RBM33: variants seen among roughly 807,000 people sequenced by gnomAD.
RBM33 encodes the protein RNA-binding protein 33.
Under a neutral mutation model 132.6 loss-of-function variants are expected in RBM33, and 28 were observed. The ratio of observed to expected loss-of-function variants is 0.21; its 90% CI spans 0.16 to 0.29. The LOEUF (loss-of-function observed/expected upper bound fraction) is 0.29, where lower values mean the gene tolerates loss of function less well. Ranked by LOEUF, RBM33 falls within the 10% of genes least tolerant of loss-of-function variation. The probability of loss-of-function intolerance (pLI) is 1.00; values close to 1 mark genes in which losing one functional copy is unlikely to be tolerated. For synonymous variants in RBM33, 634 were observed against 593.0 expected, an observed-to-expected ratio of 1.07 and a Z score of -1.01; for missense variants, 1,291 against 1,518.5, an observed-to-expected ratio of 0.85 and a Z score of 2.49.
At chr7:155,729,041 TCA>T (rs1444231264) in intron 9 of RBM33, among the ~76,000 whole-genome samples, 1 of 152,166 alleles carries the variant, frequency 6.6e-6, no homozygotes, top group Non-Finnish European at 1.5e-5. Context: ...TTTAATTGAC[TCA>T]CAGTTCCGCA....
chr7:155,770,521 A>G (rs1341610057), intron 16 of RBM33, among the ~76,000 whole-genome samples: 1 of 151,352 alleles, frequency 6.6e-6, no homozygotes, highest in Admixed American at 6.6e-5. Flanking sequence ...GGGCTCAAGA[A>G]TTTACATCTC....
chr7:155,719,540 T>C (rs553540414), intron 9 of RBM33, among the ~76,000 whole-genome samples: 2 of 152,350 alleles, frequency 1.3e-5, no homozygotes, highest in Admixed American at 6.5e-5. Context: ...TGTGTTTCTA[T>C]AAGTTATTTA....
chr7:155,765,958 G>T (rs1011744359), intron 15 of RBM33, among the ~76,000 whole-genome samples: 1 of 152,178 alleles, frequency 6.6e-6, no homozygotes, highest in African/African-American at 2.4e-5. Flanking sequence ...GAGGGTTTCA[G>T]GGTAGCAAAT....
intron 5 of RBM33, among the ~76,000 whole-genome samples, chr7:155,685,748 G>A (rs948419892): frequency 2.6e-5 from 4 of 152,182 alleles, no homozygotes; most frequent in Admixed American, 6.5e-5. Flanking sequence ...AGCTGCTGTG[G>A]GCCAGACATG....
intron 4 of RBM33, among the ~76,000 whole-genome samples, chr7:155,679,432 T>C (rs1054423537): frequency 1.3e-4 from 20 of 152,298 alleles, no homozygotes; most frequent in African/African-American, 4.8e-4. Flanking sequence ...GGTGCTACTT[T>C]AGACTCTAGT....
intron 13 of RBM33, among the ~76,000 whole-genome samples, chr7:155,743,100 G>A (rs1197692748): frequency 6.6e-6 from 1 of 152,104 alleles, no homozygotes; most frequent in Non-Finnish European, 1.5e-5. Context: ...TGTAGCAGTT[G>A]TAATGTATTG....
At chr7:155,707,710 G>A (rs143324048) in intron 7 of RBM33, among the ~76,000 whole-genome samples, 4,086 of 152,232 alleles carry the variant, frequency 0.027, 69 homozygotes, top group Middle Eastern at 0.037. Context: ...AGGCTGGAGT[G>A]CAGTGGCATG....
chr7:155,742,114 A>T lies in RBM33; in HGVS notation c.2337+8A>T. On this transcript the variant is annotated splice_region_variant and intron_variant, in intron 13 of 17. Coordinates refer to ENST00000401878, the MANE Select transcript of RBM33 (RefSeq NM_053043.3). ...GCAAAAACAGAAACAGAGGTAGGACACTGCTCTTATTAACAAATGTTGGTC... is the reference window on the plus strand; with the variant it reads ...GCAAAAACAGAAACAGAGGTAGGACTCTGCTCTTATTAACAAATGTTGGTC... 1 of 1,599,386 alleles carries T rather than the reference A, an allele frequency of 6.3e-7. No individual in the cohort carries two copies. The highest frequency in any genetic ancestry group is 8.5e-7 in the Non-Finnish European group (1 of 1,169,954).
At position 155,673,768 on chromosome 7, in the gene RBM33, G is replaced by GCGCACACACACACACACA. The variant is rs1554469952; in HGVS notation, c.171+854_171+855insGCACACACACACACACAC. On this transcript the variant is annotated intron_variant, in intron 3 of 17. Coordinates refer to ENST00000401878, the MANE Select transcript of RBM33 (RefSeq NM_053043.3). ...CACGTGTATATACGCGCGCATGCGCGCACACACACACACACACACACACAC... is the reference window on the plus strand; with the variant it reads ...CACGTGTATATACGCGCGCATGCGCGCGCACACACACACACACACACACACACACACACACACACACAC... Among the ~76,000 whole-genome samples the GCGCACACACACACACACA allele has an allele frequency of 2.3e-3, 309 of 132,964 alleles. 4 individuals are homozygous for GCGCACACACACACACACA. Among genetic ancestry groups the GCGCACACACACACACACA allele is most frequent in the Middle Eastern group, 3.7e-3 (1 of 270 alleles). The allele number at this position is 132,964 out of a possible 152,430, so 87.2% of individuals were successfully genotyped here.
intron 5 of RBM33, 89 bp from the exon 6 acceptor site, chr7:155,700,684 A>G (rs1253057658): frequency 2.0e-6 from 2 of 998,612 alleles, no homozygotes; most frequent in African/African-American, 1.6e-5. Context: ...TGAAATATAA[A>G]CAATTAAATA....
In RBM33 at chr7:155,739,907, G is replaced by C; in HGVS notation, c.1930G>C (p.Val644Leu). Residue 644 changes from valine (V) to leucine (L), a missense_variant, in exon 12 of 18, where the codon GTC becomes CTC. Coordinates refer to ENST00000401878, the MANE Select transcript of RBM33 (RefSeq NM_053043.3). ...QHHHHHHHLS[V>L]PPPPLMPMSQ... ...CCACCACCACCACCACCACCTGTCC[G>C]TCCCGCCCCCTCCTTTGATGCCGAT... is the stretch of plus-strand genomic sequence containing the variant. 1 of 1,540,368 alleles carries C rather than the reference G, an allele frequency of 6.5e-7. No individual in the cohort carries two copies. The highest frequency in any genetic ancestry group is 8.8e-7 in the Non-Finnish European group (1 of 1,142,804).
Position 155,763,971 on chromosome 7 carries a change from G to A in RBM33, c.3139G>A (p.Val1047Ile). 1 of 1,592,860 alleles carries A rather than the reference G, an allele frequency of 6.3e-7. No homozygotes were observed. The highest frequency in any genetic ancestry group is 8.5e-7 in the Non-Finnish European group (1 of 1,169,688). ...LPAGPHAHSP[V>I]PPGIKSIQGI... ...AGCGGGGCCCCACGCACACTCGCCT[G>A]TCCCTCCAGGGATCAAAAGCATCCA... is the stretch of plus-strand genomic sequence containing the variant. The change falls in exon 15 of 18, where the codon GTC becomes ATC. Residue 1047 changes from valine to isoleucine, a missense_variant. By Grantham distance (29) the Val-to-Ile change is conservative (BLOSUM62 3). Transcript: ENST00000401878.
In RBM33 at chr7:155,673,584, A is replaced by G. The variant is rs1229296408; in HGVS notation, c.171+669A>G. The stretch of plus-strand genomic sequence containing the variant: ...TACACACATATACATACACACGTGT[A>G]TATATATATACACACATATACATAC... On this transcript the variant is annotated intron_variant, in intron 3 of 17. Transcript: ENST00000401878. Among the ~76,000 whole-genome samples the G allele has an allele frequency of 1.2e-4, 9 of 73,144 alleles. No homozygotes were observed. The East Asian group carries it at 1.9e-3, about 16-fold the overall frequency. 48.0% of individuals were successfully genotyped at this position (73,144 alleles called of 152,430 possible). A position where few individuals can be genotyped will look rare whatever the true frequency, so the allele number is the denominator to read the frequency against.
chr7:155,701,768 A>G lies in RBM33; in HGVS notation c.739+824A>G, dbSNP rs532659678. Among the ~76,000 whole-genome samples, 215 of 152,226 alleles carry G rather than the reference A, an allele frequency of 1.4e-3. 4 individuals are homozygous for G. Among genetic ancestry groups the G allele is most frequent in the African/African-American group, 4.9e-3 (205 of 41,486 alleles). On this transcript the variant is annotated intron_variant, in intron 6 of 17. Transcript: ENST00000401878. Reference sequence around the variant, plus strand: ...AGTGGCACAATCTTGGCTCACAGCAACCACCGCCTCCCAGGTTCAACTGAG... The same window carrying G: ...AGTGGCACAATCTTGGCTCACAGCAGCCACCGCCTCCCAGGTTCAACTGAG...
chr7:155,737,481 A>AT, intron 9 of RBM33, 49 bp from the exon 10 acceptor site: 1 of 1,525,698 alleles, frequency 6.6e-7, no homozygotes, highest in Non-Finnish European at 8.8e-7. Flanking sequence ...ATTACATACC[A>AT]TTTTTCTGTC....
At chr7:155,719,415 A>G (rs1054955925) in intron 9 of RBM33, among the ~76,000 whole-genome samples, 10 of 152,196 alleles carry the variant, frequency 6.6e-5, no homozygotes, top group African/African-American at 2.4e-4. Flanking sequence ...ATTCAAAAAT[A>G]ACATTATTGG....
chr7:155,740,498 C>G (rs1801296827), intron 12 of RBM33, among the ~76,000 whole-genome samples: 1 of 152,200 alleles, frequency 6.6e-6, no homozygotes, highest in Non-Finnish European at 1.5e-5. Flanking sequence ...GGAAATACAG[C>G]AGTGAACAGA....
intron 1 of RBM33, 82 bp from the exon 2 acceptor site, chr7:155,665,090 TAAA>T: frequency 8.8e-7 from 1 of 1,141,404 alleles, no homozygotes; most frequent in Middle Eastern, 2.1e-4. Flanking sequence ...CAGGAATCCT[TAAA>T]AAAGTTGTTT....
In RBM33 at chr7:155,654,874, CAT is replaced by C. The variant is rs1435049771; in HGVS notation, c.43+9956_43+9957del. Among the ~76,000 whole-genome samples, 5 of 152,262 alleles carry C rather than the reference CAT, an allele frequency of 3.3e-5. No homozygotes were observed. The South Asian group carries it at 6.2e-4, about 19-fold the overall frequency. On this transcript the variant is annotated intron_variant, in intron 1 of 17. Coordinates refer to ENST00000401878, the MANE Select transcript of RBM33 (RefSeq NM_053043.3). The stretch of plus-strand genomic sequence containing the variant: ...TATTTGTCCTCACATTATATGTTCA[CAT>C]GTGTGCACAGATAAACATTGGTGGT...
Sources: allele counts gnomAD v4.1 joint callset (sites outside exome capture counted in the v4.1 genomes callset), GRCh38; gene constraint gnomAD v4.1.1; transcripts MANE v1.5; gene names NCBI Gene and HGNC (gene_info 2026-07-23, HGNC 2026-07-21).